The following SGTA variants were observed in gnomAD, a reference collection of about 807,000 sequenced individuals.
SGTA encodes small glutamine-rich tetratricopeptide repeat-containing protein alpha.
Under a neutral mutation model 44.3 loss-of-function variants are expected in SGTA, and 22 were observed. That is an observed-to-expected ratio of 0.50 (90% CI 0.36 to 0.71). SGTA has a LOEUF of 0.71. Ranked by LOEUF, SGTA falls within the 30% of genes least tolerant of loss-of-function variation. The pLI is 0.00. For missense variants in SGTA, 341 were observed against 435.9 expected (o/e 0.78, Z 1.94); for synonymous variants, 174 against 177.6 (o/e 0.98, Z 0.16).
At chr19:2,769,311 G>A (rs897169230) in intron 1 of SGTA, among the ~76,000 whole-genome samples, 4 of 152,188 alleles carry the variant, frequency 2.6e-5, no homozygotes, top group African/African-American at 9.7e-5. Context: ...AAAGTGTGAG[G>A]CCAGCAGGCA....
intron 1 of SGTA, among the ~76,000 whole-genome samples, chr19:2,771,623 A>G (rs1293383031): frequency 6.7e-6 from 1 of 149,578 alleles, no homozygotes; most frequent in Non-Finnish European, 1.5e-5. Flanking sequence ...ACGCTGAGTG[A>G]ACACCCCCAC....
rs34989543 is a variant in SGTA, at chr19:2,773,894, A to G, written c.-23-4803T>C. Among the ~76,000 whole-genome samples, 139 of 74,672 alleles carry G rather than the reference A, an allele frequency of 1.9e-3. 6 individuals carry two copies. The highest frequency in any genetic ancestry group is 2.1e-3 in the Non-Finnish European group (92 of 44,080). 49.0% of individuals were successfully genotyped at this position (74,672 alleles called of 152,430 possible). On this transcript the variant is annotated intron_variant, in intron 1 of 11. Coordinates refer to ENST00000221566, the MANE Select transcript of SGTA (RefSeq NM_003021.4). ...GAGGTGGGTGACACGGCCACACGGC[A>G]GGGACTCCGAGGGCAGAGATGGGTG... is the stretch of plus-strand genomic sequence containing the variant.
chr19:2,766,700 A>G (rs985435042), intron 4 of SGTA, among the ~76,000 whole-genome samples: 12 of 151,924 alleles, frequency 7.9e-5, no homozygotes, highest in African/African-American at 2.9e-4. Context: ...CCTCCCAAAG[A>G]GCTGGGACTG....
At position 2,757,672 on chromosome 19, in the gene SGTA, C is replaced by T. The variant is rs775571534; in HGVS notation, c.827+21G>A. The T allele has an allele frequency of 1.9e-6, 3 of 1,539,132 alleles. No homozygotes were observed. In the Admixed American group the frequency reaches 6.2e-5, roughly 32 times the overall value. Reference sequence around the variant, plus strand: ...GCCCGCCGCCCACGTCCTCCGTCCTCTTGGAAGCAGTTCCACTCACGCCTG... The same window carrying T: ...GCCCGCCGCCCACGTCCTCCGTCCTTTTGGAAGCAGTTCCACTCACGCCTG... On this transcript the variant is annotated intron_variant, in intron 10 of 11. Transcript: ENST00000221566.
intron 1 of SGTA, among the ~76,000 whole-genome samples, chr19:2,781,015 C>G (rs145413261): frequency 2.0e-4 from 31 of 152,218 alleles, no homozygotes; most frequent in African/African-American, 7.5e-4. Context: ...CCTGGGAGGT[C>G]GAGGCTGCAG....
intron 7 of SGTA, among the ~76,000 whole-genome samples, chr19:2,762,300 C>T (rs950742031): frequency 7.9e-5 from 12 of 152,196 alleles, no homozygotes; most frequent in Admixed American, 7.2e-4. Context: ...GCCCTGCGGC[C>T]GGCCTCCTGC....
chr19:2,772,116 C>G (rs912068649), intron 1 of SGTA, among the ~76,000 whole-genome samples: 1 of 152,222 alleles, frequency 6.6e-6, no homozygotes, highest in Admixed American at 6.5e-5. Context: ...TGTGCCAAGA[C>G]GCATGAGGCA....
At chr19:2,781,873 G>A (rs1000812266) in intron 1 of SGTA, among the ~76,000 whole-genome samples, 15 of 146,290 alleles carry the variant, frequency 1.0e-4, no homozygotes, top group Non-Finnish European at 1.5e-4. Context: ...ACAGGGTCTC[G>A]CTCTGTCGCC....
chr19:2,781,316 A>T (rs1442519487), intron 1 of SGTA, among the ~76,000 whole-genome samples: 2 of 152,180 alleles, frequency 1.3e-5, no homozygotes, highest in African/African-American at 4.8e-5. Context: ...GCACCCAGTT[A>T]AGTGCTGTAC....
chr19:2,757,196 T>C, intron 11 of SGTA, 141 bp downstream of exon 11: 3 of 1,073,274 alleles, frequency 2.8e-6, no homozygotes, highest in Non-Finnish European at 3.9e-6. Context: ...CTGAGCTGGA[T>C]GCACCCAGGA....
chr19:2,779,036 C>T (rs933964384), intron 1 of SGTA, among the ~76,000 whole-genome samples: 5 of 152,130 alleles, frequency 3.3e-5, no homozygotes, highest in Admixed American at 6.5e-5. Context: ...CTGAGCAGCA[C>T]CCCTGGCTCC....
At position 2,765,194 on chromosome 19, in the gene SGTA, G is replaced by A; in HGVS notation, c.384C>T (p.Phe128=). Residue 128 remains phenylalanine, a synonymous_variant, in exon 5 of 12, where the codon TTC becomes TTT. Transcript: ENST00000221566. This position sits in a 1 kb window ranked among gnomAD's most constrained non-coding sequence, Gnocchi z 5.5. ...IELNPANAVY[F]CNRAAAYSKL... ...AGGCCCTGAGCTGGTACCTGTTGCA[G>A]AAATAGACGGCGTTGGCTGGGTTGA... 1.2e-6 allele frequency: 2 copies of A among 1,613,822 alleles called. No homozygotes were observed. Among genetic ancestry groups the A allele is most frequent in the Non-Finnish European group, 1.7e-6 (2 of 1,179,762 alleles).
intron 1 of SGTA, among the ~76,000 whole-genome samples, chr19:2,769,732 C>G (rs1055761390): frequency 1.3e-5 from 2 of 151,838 alleles, no homozygotes; most frequent in Non-Finnish European, 2.9e-5. Flanking sequence ...CTACCTCATT[C>G]CACCTCAGAC....
chr19:2,777,193 G>A (rs922061492), intron 1 of SGTA, among the ~76,000 whole-genome samples: 3 of 151,378 alleles, frequency 2.0e-5, no homozygotes, highest in South Asian at 2.1e-4. Flanking sequence ...GGAGGTTGCC[G>A]TGAGCCAAGA....
rs774321428 is a variant in SGTA at position 2,757,468 on chromosome 19, G to C, written c.828-11C>G. On this transcript the variant is annotated splice_polypyrimidine_tract_variant and intron_variant, in intron 10 of 11. Coordinates refer to ENST00000221566, the MANE Select transcript of SGTA (RefSeq NM_003021.4). ...GCAAACTGCTGGCCCCTGCGGGGAAGGGCACATGGGGCTCAGCCAGGGCCA... is the reference window on the plus strand; with the variant it reads ...GCAAACTGCTGGCCCCTGCGGGGAACGGCACATGGGGCTCAGCCAGGGCCA... The C allele has an allele frequency of 1.4e-5, 23 of 1,605,374 alleles. No individual in the cohort carries two copies. The highest frequency in any genetic ancestry group is 1.9e-5 in the Non-Finnish European group (22 of 1,179,586).
At chr19:2,781,650 C>G (rs1418766971) in intron 1 of SGTA, among the ~76,000 whole-genome samples, 1 of 152,016 alleles carries the variant, frequency 6.6e-6, no homozygotes, top group Non-Finnish European at 1.5e-5. Context: ...TGGGGACCAC[C>G]CGAGACCACC....
intron 1 of SGTA, among the ~76,000 whole-genome samples, chr19:2,781,624 C>G (rs1032804164): frequency 6.6e-6 from 1 of 152,050 alleles, no homozygotes; most frequent in African/African-American, 2.4e-5. Context: ...AGAAGAAAAA[C>G]TGAGGCTTGG....
Position 2,767,258 on chromosome 19 carries a change from T to G in SGTA, c.208-38A>C. ...GCAAAGGCGGCCCGCTGTCCTCTCC[T>G]CCCAACCTGGCACCCTCCGGCCTTA... On this transcript the variant is annotated intron_variant, in intron 3 of 11. Transcript: ENST00000221566. This position sits in a 1 kb window ranked among gnomAD's most constrained non-coding sequence, Gnocchi z 7.3. The G allele has an allele frequency of 6.6e-7, 1 of 1,514,986 alleles. No homozygotes were observed. Among genetic ancestry groups the G allele is most frequent in the Non-Finnish European group, 9.0e-7 (1 of 1,106,620 alleles). 93.8% of individuals were successfully genotyped at this position (1,514,986 alleles called of 1,614,324 possible).
At position 2,761,604 on chromosome 19, in the gene SGTA, C is replaced by T; in HGVS notation, c.637-82G>A. The T allele has an allele frequency of 1.7e-6, 2 of 1,174,274 alleles. No individual in the cohort carries two copies. The highest frequency in any genetic ancestry group is 1.3e-5 in the South Asian group (1 of 76,594). 72.7% of individuals were successfully genotyped at this position (1,174,274 alleles called of 1,614,324 possible). ...ACCCCCTGGAACTCAGAAACAACGG[C>T]CCCCCACGGGGCTCAGACATTCTAT... On this transcript the variant is annotated intron_variant, in intron 7 of 11. Transcript: ENST00000221566. The surrounding 1 kb of genome is among the most constrained non-coding windows in gnomAD (Gnocchi z 5.7).
Sources: allele counts gnomAD v4.1 joint callset (sites outside exome capture counted in the v4.1 genomes callset), GRCh38; gene constraint gnomAD v4.1.1; non-coding constraint Gnocchi (gnomAD v3.1); transcripts MANE v1.5; gene names NCBI Gene and HGNC (gene_info 2026-07-23, HGNC 2026-07-21).